TARS3: variants seen among roughly 807,000 people sequenced by gnomAD.
TARS3 encodes threonine--tRNA ligase 2, cytoplasmic.
Under a neutral mutation model 103.5 loss-of-function variants are expected in TARS3, and 94 were observed. That is an observed-to-expected ratio of 0.91 (90% CI 0.77 to 1.08). TARS3 has a LOEUF of 1.08. Ranked by LOEUF, TARS3 falls within the 50% of genes least tolerant of loss-of-function variation. The pLI is 0.00. For synonymous variants in TARS3, 416 were observed against 355.4 expected, an observed-to-expected ratio of 1.17 and a Z score of -1.92; for missense variants, 952 against 995.2, an observed-to-expected ratio of 0.96 and a Z score of 0.58.
Position 101,657,946 on chromosome 15 carries a change from G to T in TARS3, c.2073-89C>A. The T allele has an allele frequency of 4.8e-6, 4 of 838,716 alleles. No homozygotes were observed. The South Asian group carries it at 7.4e-5, about 16-fold the overall frequency. The allele number at this position is 838,716 out of a possible 1,614,324, so 52.0% of individuals were successfully genotyped here. ...TCAAATAACCAAAGATTCTTTTAAA[G>T]ACTTCACAAGAGGGCAGTTTCAGTA... On this transcript the variant is annotated intron_variant, in intron 16 of 18. Transcript: ENST00000335968.
chr15:101,684,332 CAT>C (rs1898377651), intron 11 of TARS3, 95 bp from the exon 12 acceptor site: 1 of 1,207,876 alleles, frequency 8.3e-7, no homozygotes, highest in Non-Finnish European at 1.1e-6. Flanking sequence ...CCTCAAGATT[CAT>C]AAACTCCTTA....
chr15:101,664,658 T>C (rs555420062), intron 15 of TARS3, among the ~76,000 whole-genome samples: 1 of 152,266 alleles, frequency 6.6e-6, no homozygotes, highest in African/African-American at 2.4e-5. Flanking sequence ...ACAACCGCCT[T>C]AGGATTTAAA....
intron 15 of TARS3, among the ~76,000 whole-genome samples, chr15:101,668,844 TG>T (rs1387545846): frequency 1.3e-5 from 2 of 152,218 alleles, no homozygotes; most frequent in Admixed American, 1.3e-4. Context: ...AAATCTACCA[TG>T]CTGCCAGCTG....
chr15:101,711,744 A>T, intron 5 of TARS3, 136 bp downstream of exon 5: 1 of 1,013,060 alleles, frequency 9.9e-7, no homozygotes, highest in Non-Finnish European at 1.4e-6. Context: ...CGGATTTTCA[A>T]CTGCATGGGC....
At chr15:101,704,446 C>A (rs1026514203) in intron 7 of TARS3, among the ~76,000 whole-genome samples, 1 of 151,970 alleles carries the variant, frequency 6.6e-6, no homozygotes, top group African/African-American at 2.4e-5. Flanking sequence ...CGAGGTCAGG[C>A]ATTCGAGACC....
rs1897122989 is a variant in TARS3 at position 101,654,430 on chromosome 15, G to C, written c.*152C>G. ...CATGAGTAAATTAAACTTCGTGCAT[G>C]TCAGCTACACGTTCATCGTCTCCTT... On this transcript the variant is annotated 3_prime_UTR_variant, in exon 19 of 19. Coordinates refer to ENST00000335968, the MANE Select transcript of TARS3 (RefSeq NM_152334.3). 7 of 779,038 alleles carry C rather than the reference G, an allele frequency of 9.0e-6. No homozygotes were observed. The highest frequency in any genetic ancestry group is 1.4e-5 in the Non-Finnish European group (7 of 515,086). The allele number at this position is 779,038 out of a possible 1,614,324, so 48.3% of individuals were successfully genotyped here.
At chr15:101,691,419 A>G (rs1898718843) in intron 10 of TARS3, among the ~76,000 whole-genome samples, 2 of 151,960 alleles carry the variant, frequency 1.3e-5, no homozygotes, top group African/African-American at 2.4e-5. Context: ...AGCTGAGATC[A>G]CAAATGTGCA....
At chr15:101,710,232 C>T (rs888620086) in intron 5 of TARS3, among the ~76,000 whole-genome samples, 4 of 152,196 alleles carry the variant, frequency 2.6e-5, no homozygotes, top group African/African-American at 9.6e-5. Context: ...TCTCTGTGGT[C>T]CCTCCCACAT....
intron 13 of TARS3, among the ~76,000 whole-genome samples, chr15:101,673,148 T>C (rs1897880879): frequency 1.3e-5 from 2 of 152,198 alleles, no homozygotes; most frequent in South Asian, 2.1e-4. Flanking sequence ...GGGTTAGTTA[T>C]TGGAGAGAAA....
chr15:101,716,503 A>G (rs1900165404), intron 3 of TARS3, among the ~76,000 whole-genome samples: 1 of 152,218 alleles, frequency 6.6e-6, no homozygotes, highest in Non-Finnish European at 1.5e-5. Context: ...AAACTTCACA[A>G]TAAATCACAG....
At chr15:101,723,255 CCG>C in intron 1 of TARS3, 91 bp from the exon 2 acceptor site, 1 of 1,194,972 alleles carries the variant, frequency 8.4e-7, no homozygotes, top group Admixed American at 1.8e-5. Context: ...TGCAAGTGCC[CCG>C]TGTTTAGAGG....
rs764442444 is a variant in TARS3 at position 101,721,119 on chromosome 15, G to A, written c.566+7C>T. The A allele has an allele frequency of 2.3e-5, 37 of 1,591,052 alleles. No individual in the cohort carries two copies. Among genetic ancestry groups the A allele is most frequent in the East Asian group, 2.3e-4 (10 of 44,264 alleles). Reference sequence around the variant, plus strand: ...AGATTGAATATCTTTTCCACACTGCGGTTTACCTAATTTCAGCAGCCACTT... The same window carrying A: ...AGATTGAATATCTTTTCCACACTGCAGTTTACCTAATTTCAGCAGCCACTT... On this transcript the variant is annotated splice_region_variant and intron_variant, in intron 3 of 18. Transcript: ENST00000335968.
chr15:101,661,708 T>C lies in TARS3; in HGVS notation c.2072+4A>G. ...ATATAGTTTTTCTTTTCCATATCAC[T>C]TACCATTTTCCGCCATAGTTTTCTG... On this transcript the variant is annotated splice_donor_region_variant and intron_variant, in intron 16 of 18. Transcript: ENST00000335968. 6.3e-7 allele frequency: 1 copy of C among 1,576,254 alleles called. No individual in the cohort carries two copies. Among genetic ancestry groups the C allele is most frequent in the South Asian group, 1.1e-5 (1 of 88,436 alleles).
At chr15:101,687,247 A>G (rs1898514318) in intron 10 of TARS3, among the ~76,000 whole-genome samples, 1 of 152,062 alleles carries the variant, frequency 6.6e-6, no homozygotes, top group South Asian at 2.1e-4. Context: ...CACTAAAAAT[A>G]CAAAAATTAG....
chr15:101,715,235 C>T (rs1349525704), intron 3 of TARS3, among the ~76,000 whole-genome samples: 1 of 150,410 alleles, frequency 6.6e-6, no homozygotes, highest in Non-Finnish European at 1.5e-5. Flanking sequence ...CAAGCTCCGC[C>T]TCCCGGGTTC....
chr15:101,682,154 C>T (rs552479216), intron 12 of TARS3, among the ~76,000 whole-genome samples: 1 of 152,210 alleles, frequency 6.6e-6, no homozygotes, highest in Admixed American at 6.5e-5. Context: ...TCAGAAAGAA[C>T]CTGCAGTACA....
At chr15:101,658,768 A>G (rs942830681) in intron 16 of TARS3, among the ~76,000 whole-genome samples, 11 of 152,222 alleles carry the variant, frequency 7.2e-5, no homozygotes, top group Admixed American at 3.3e-4. Flanking sequence ...AAAACTGGGT[A>G]AAGAGTGTGC....
At chr15:101,660,919 C>G (rs1277589162) in intron 16 of TARS3, among the ~76,000 whole-genome samples, 1 of 152,192 alleles carries the variant, frequency 6.6e-6, no homozygotes, top group Admixed American at 6.5e-5. Flanking sequence ...GTGGCAATAC[C>G]ACCTCTGTTG....
intron 15 of TARS3, among the ~76,000 whole-genome samples, chr15:101,670,768 A>G (rs526447): frequency 0.37 from 56,094 of 152,084 alleles, 11,198 homozygotes; most frequent in Non-Finnish European, 0.46. Context: ...ACACCCTTCA[A>G]TGAGAGATTG....
Sources: allele counts gnomAD v4.1 joint callset (sites outside exome capture counted in the v4.1 genomes callset), GRCh38; gene constraint gnomAD v4.1.1; transcripts MANE v1.5; gene names NCBI Gene and HGNC (gene_info 2026-07-23, HGNC 2026-07-21).